Variants in CPED1 observed in about 807,000 individuals in gnomAD.
CPED1 encodes cadherin-like and PC-esterase domain-containing protein 1.
CPED1 carries 114 observed loss-of-function variants against 128.2 expected under a neutral mutation model. That is an observed-to-expected ratio of 0.89 (90% CI 0.76 to 1.04). The LOEUF is 1.04. CPED1 is among the 50% of genes least tolerant of loss of function. CPED1 has a pLI of 0.00. For synonymous variants in CPED1, 462 were observed against 426.7 expected (o/e 1.08, Z -1.02); for missense variants, 1,211 against 1,207.1 (o/e 1.00, Z -0.05).
chr7:121,015,380 G>C (rs1006309100), intron 2 of CPED1, among the ~76,000 whole-genome samples: 2 of 152,208 alleles, frequency 1.3e-5, no homozygotes, highest in Admixed American at 6.5e-5. Context: ...TTTTCAGCTA[G>C]AGTTGAGCTC....
At chr7:121,208,361 A>G (rs983177681) in intron 16 of CPED1, among the ~76,000 whole-genome samples, 1 of 152,068 alleles carries the variant, frequency 6.6e-6, no homozygotes, top group Non-Finnish European at 1.5e-5. Context: ...TCTAATTCAC[A>G]GATATGTTGT....
intron 4 of CPED1, among the ~76,000 whole-genome samples, chr7:121,055,941 C>T (rs4727917): frequency 0.69 from 104,720 of 151,800 alleles, 37,727 homozygotes; most frequent in Admixed American, 0.82. Flanking sequence ...TTTCTTGGAA[C>T]TTACATATTA....
chr7:121,187,286 T>A (rs1319781100), intron 16 of CPED1, among the ~76,000 whole-genome samples: 3 of 152,176 alleles, frequency 2.0e-5, no homozygotes. Context: ...AAGGGTGTAT[T>A]TCAACCAAGA....
intron 18 of CPED1, 59 bp downstream of exon 18, chr7:121,244,397 T>C: frequency 6.3e-7 from 1 of 1,588,370 alleles, no homozygotes; most frequent in Non-Finnish European, 8.6e-7. Flanking sequence ...GTACTAAAAA[T>C]CGTATAGTTG....
chr7:121,220,072 A>G lies in CPED1; in HGVS notation c.2056-16642A>G, dbSNP rs567462986. Among the ~76,000 whole-genome samples, 12 of 152,180 alleles carry G rather than the reference A, an allele frequency of 7.9e-5. No individual in the cohort carries two copies. The East Asian group carries it at 2.3e-3, about 30-fold the overall frequency. On this transcript the variant is annotated intron_variant, in intron 16 of 22. Coordinates refer to ENST00000310396, the MANE Select transcript of CPED1 (RefSeq NM_024913.5). Reference sequence around the variant, plus strand: ...TTTAATTTTGTCCTATACTTTTATTAGCCAGCTACTTAGTAAAAGTTTTTA... The same window carrying G: ...TTTAATTTTGTCCTATACTTTTATTGGCCAGCTACTTAGTAAAAGTTTTTA...
chr7:121,257,039 C>T (rs1791898358), intron 18 of CPED1, among the ~76,000 whole-genome samples: 1 of 151,960 alleles, frequency 6.6e-6, no homozygotes, highest in Non-Finnish European at 1.5e-5. Context: ...TGGACATAAA[C>T]ATGGGAACAA....
intron 2 of CPED1, among the ~76,000 whole-genome samples, chr7:120,990,219 A>G (rs1371230530): frequency 6.6e-6 from 1 of 152,202 alleles, no homozygotes; most frequent in African/African-American, 2.4e-5. Flanking sequence ...TCAAAGTTTC[A>G]AAAACTTTGA....
intron 5 of CPED1, among the ~76,000 whole-genome samples, chr7:121,078,321 G>A (rs1175301230): frequency 6.6e-6 from 1 of 152,056 alleles, no homozygotes; most frequent in Non-Finnish European, 1.5e-5. Context: ...GGGATTACAG[G>A]TGTGAGCCAC....
At chr7:121,058,196 T>C (rs1418410450) in intron 4 of CPED1, among the ~76,000 whole-genome samples, 1 of 152,170 alleles carries the variant, frequency 6.6e-6, no homozygotes, top group Non-Finnish European at 1.5e-5. Flanking sequence ...GACTGCGGGC[T>C]TTTACTCTTG....
intron 7 of CPED1, among the ~76,000 whole-genome samples, chr7:121,116,954 CTCTCTCTCTATA>C (rs1795250259): frequency 2.5e-5 from 2 of 80,868 alleles, no homozygotes; most frequent in African/African-American, 8.1e-5. Context: ...CTCTCTCTCT[CTCTCTCTCTATA>C]TATATATATA....
At chr7:121,053,176 G>A (rs374860917) in intron 4 of CPED1, among the ~76,000 whole-genome samples, 5 of 152,004 alleles carry the variant, frequency 3.3e-5, no homozygotes, top group African/African-American at 4.8e-5. Context: ...GGATACGAAC[G>A]GTTAACTCAG....
At chr7:121,013,353 A>G (rs966555873) in intron 2 of CPED1, among the ~76,000 whole-genome samples, 1 of 152,198 alleles carries the variant, frequency 6.6e-6, no homozygotes, top group African/African-American at 2.4e-5. Flanking sequence ...AACAAAGGAA[A>G]ATATCTAATC....
rs1296331161 is a variant in CPED1, at chr7:121,238,448, G to T, written c.2173+1617G>T. On this transcript the variant is annotated intron_variant, in intron 17 of 22. Transcript: ENST00000310396. ...CAAGTCCTCTTCCCATCTTTGCCCA[G>T]CTTCTGATGCTGGAAGTCCTCTCCG... 7.2e-5 allele frequency among the ~76,000 whole-genome samples: 11 copies of T among 152,178 alleles called. No individual in the cohort carries two copies. The South Asian group carries it at 8.3e-4, about 11-fold the overall frequency.
chr7:121,284,219 C>G (rs1460824750), intron 22 of CPED1, among the ~76,000 whole-genome samples: 1 of 152,142 alleles, frequency 6.6e-6, no homozygotes. Flanking sequence ...CTTGTGAGAA[C>G]TCATTCACTA....
At chr7:121,286,388 TC>T (rs965198388) in intron 22 of CPED1, among the ~76,000 whole-genome samples, 2 of 152,146 alleles carry the variant, frequency 1.3e-5, no homozygotes, top group Admixed American at 1.3e-4. Flanking sequence ...CAAGGTTCTT[TC>T]CCCAGGGGTT....
intron 16 of CPED1, among the ~76,000 whole-genome samples, chr7:121,164,996 A>G (rs1371458914): frequency 6.6e-6 from 1 of 152,202 alleles, no homozygotes; most frequent in Non-Finnish European, 1.5e-5. Context: ...TGAACATCAA[A>G]GGTATTTTTC....
chr7:121,150,825 ATGGCACAGTCT>A (rs1796141529), intron 16 of CPED1, among the ~76,000 whole-genome samples: 1 of 151,836 alleles, frequency 6.6e-6, no homozygotes, highest in Non-Finnish European at 1.5e-5. Flanking sequence ...CTGGAGTGCA[ATGGCACAGTCT>A]TGGCTCACTG....
At chr7:121,080,127 A>G (rs1001984744) in intron 5 of CPED1, among the ~76,000 whole-genome samples, 4 of 152,296 alleles carry the variant, frequency 2.6e-5, no homozygotes, top group Admixed American at 1.3e-4. Flanking sequence ...ATTTCTTTGC[A>G]TTACATAATA....
chr7:121,116,434 A>AT (rs949847268), intron 7 of CPED1, among the ~76,000 whole-genome samples: 3 of 152,152 alleles, frequency 2.0e-5, no homozygotes, highest in Admixed American at 6.5e-5. Context: ...GTTAACATGA[A>AT]TTTTTTTCTT....
Sources: gnomAD v4.1 joint callset for allele counts (sites outside exome capture counted in the v4.1 genomes callset) on GRCh38, gnomAD v4.1.1 for gene constraint, MANE v1.5 for transcripts, NCBI Gene and HGNC (gene_info 2026-07-23, HGNC 2026-07-21) for gene names.